C5orf46: variants seen among roughly 807,000 people sequenced by gnomAD.
C5orf46 encodes uncharacterized protein C5orf46.
C5orf46 carries 9 observed loss-of-function variants against 8.9 expected under a neutral mutation model. The observed-to-expected ratio is 1.01, with a 90% CI of 0.61 to 1.76. The LOEUF is 1.76. C5orf46 is among the 40% of genes most tolerant of loss of function. The pLI is 0.00. For synonymous variants in C5orf46, 47 were observed against 41.4 expected (o/e 1.14, Z -0.52); for missense variants, 98 against 107.8 (o/e 0.91, Z 0.40).
chr5:147,890,857 T>G (rs1042341044), downstream of C5orf46, among the ~76,000 whole-genome samples: 1 of 152,178 alleles, frequency 6.6e-6, no homozygotes, highest in Non-Finnish European at 1.5e-5. Context: ...GTAAAGAAAT[T>G]TTTAAATGAA....
downstream of C5orf46, among the ~76,000 whole-genome samples, chr5:147,889,700 T>C (rs1320326833): frequency 1.3e-5 from 2 of 152,082 alleles, no homozygotes; most frequent in Non-Finnish European, 2.9e-5. Context: ...TCAAAATAAA[T>C]ACAAAAGGAA....
At chr5:147,890,524 T>C (rs1757487411), downstream of C5orf46, among the ~76,000 whole-genome samples, 1 of 152,060 alleles carries the variant, frequency 6.6e-6, no homozygotes, top group South Asian at 2.1e-4. Context: ...TATATATCCA[T>C]AGGAGGAAAA....
chr5:147,895,245 C>T (rs1476532191), intron 3 of C5orf46, among the ~76,000 whole-genome samples: 1 of 152,050 alleles, frequency 6.6e-6, no homozygotes, highest in Non-Finnish European at 1.5e-5. Flanking sequence ...TCAACACCAG[C>T]CTGGGCAGCA....
downstream of C5orf46, among the ~76,000 whole-genome samples, chr5:147,891,023 G>A (rs1162560514): frequency 4.6e-5 from 7 of 152,238 alleles, no homozygotes; most frequent in South Asian, 1.2e-3. Flanking sequence ...TGGGATTTGG[G>A]ACAGAATAGT....
downstream of C5orf46, among the ~76,000 whole-genome samples, chr5:147,891,859 G>C (rs1173772527): frequency 6.6e-6 from 1 of 152,182 alleles, no homozygotes; most frequent in Non-Finnish European, 1.5e-5. Context: ...TCAACATTTA[G>C]TAGGAATTCA....
At chr5:147,903,349 C>G (rs1348162534) in intron 1 of C5orf46, among the ~76,000 whole-genome samples, 1 of 152,206 alleles carries the variant, frequency 6.6e-6, no homozygotes, top group Non-Finnish European at 1.5e-5. Context: ...TTAGGACACC[C>G]TGATGCTGAA....
downstream of C5orf46, among the ~76,000 whole-genome samples, chr5:147,888,910 A>G (rs767187803): frequency 2.6e-5 from 4 of 152,180 alleles, no homozygotes; most frequent in Non-Finnish European, 5.9e-5. Context: ...TTAGAAAATT[A>G]CTTATATGCT....
At position 147,901,747 on chromosome 5, in the gene C5orf46, TGTC is replaced by T; in HGVS notation, c.94_96del (p.Asp32del). The T allele has an allele frequency of 6.2e-7, 1 of 1,613,972 alleles. No homozygotes were observed. On this transcript the variant is annotated inframe_deletion, in exon 2 of 4. Coordinates refer to ENST00000318315, the MANE Select transcript of C5orf46 (RefSeq NM_206966.3). ...GGGTCTTTGCCCGAGTCGTCTGGCT[TGTC>T]GTCTGGCTTGTCTGGTTTGTCGTCT...
chr5:147,903,936 C>T (rs969683482), intron 1 of C5orf46, among the ~76,000 whole-genome samples: 8 of 150,202 alleles, frequency 5.3e-5, no homozygotes, highest in Non-Finnish European at 7.4e-5. Flanking sequence ...TGTGTAGAGA[C>T]GGGGTTTCGC....
rs1757671889 is a variant in C5orf46 at position 147,901,674 on chromosome 5, A to G, written c.170T>C (p.Ile57Thr). Residue 57 changes from isoleucine to threonine, a missense_variant, in exon 2 of 4, where the codon ATT becomes ACT. By Grantham distance (89) the Ile-to-Thr change is moderately conservative (BLOSUM62 -1). Coordinates refer to ENST00000318315, the MANE Select transcript of C5orf46 (RefSeq NM_206966.3). ...GAGGATGAACTCGACTGCATTCTCAATGATCTCTGTGCCCAGGAGGCTTAG... is the reference window on the plus strand; with the variant it reads ...GAGGATGAACTCGACTGCATTCTCAGTGATCTCTGTGCCCAGGAGGCTTAG... ...KFLSLLGTEI[I>T]ENAVEFILRS... is the part of the protein sequence containing the mutation. 6.2e-7 allele frequency: 1 copy of G among 1,614,070 alleles called. No individual in the cohort carries two copies. Among genetic ancestry groups the G allele is most frequent in the Middle Eastern group, 1.6e-4 (1 of 6,062 alleles).
chr5:147,893,907 A>ATTTTTT (rs112629955), intron 3 of C5orf46, among the ~76,000 whole-genome samples: 1 of 142,806 alleles, frequency 7.0e-6, no homozygotes, highest in African/African-American at 2.5e-5. Flanking sequence ...GGGAAGGCAT[A>ATTTTTT]TTTTTTTTTT....
chr5:147,896,013 C>T (rs1467029471), intron 3 of C5orf46, among the ~76,000 whole-genome samples: 1 of 152,132 alleles, frequency 6.6e-6, no homozygotes, highest in Non-Finnish European at 1.5e-5. Context: ...AGATCACAAA[C>T]AGAAGTTGGG....
chr5:147,900,838 C>T (rs1178986071), intron 2 of C5orf46, among the ~76,000 whole-genome samples: 1 of 152,218 alleles, frequency 6.6e-6, no homozygotes, highest in East Asian at 1.9e-4. Context: ...GAGTGAATTT[C>T]ATCTTGGAGA....
In C5orf46 at chr5:147,898,234, T is replaced by G. The variant is rs552976845; in HGVS notation, c.216-1193A>C. On this transcript the variant is annotated intron_variant, in intron 2 of 3. Transcript: ENST00000318315. ...ACTTGGGAAAGAGATGATAAAGGAC[T>G]CAACTTGACCAACTAGTCAGTGGAG... Among the ~76,000 whole-genome samples, 10 of 152,232 alleles carry G rather than the reference T, an allele frequency of 6.6e-5. 1 individual carries two copies. In the South Asian group the frequency reaches 1.5e-3, roughly 22 times the overall value.
intron 2 of C5orf46, among the ~76,000 whole-genome samples, chr5:147,897,473 GA>G (rs1173006107): frequency 1.3e-5 from 2 of 152,124 alleles, no homozygotes; most frequent in Non-Finnish European, 2.9e-5. Flanking sequence ...AAGTTACAAA[GA>G]AAATTTAAAA....
chr5:147,898,449 T>C (rs953116083), intron 2 of C5orf46, among the ~76,000 whole-genome samples: 4 of 152,092 alleles, frequency 2.6e-5, no homozygotes, highest in African/African-American at 9.7e-5. Flanking sequence ...AGTGAGATGA[T>C]GGGCTTGGGT....
rs182289184 is a variant in C5orf46, at chr5:147,899,290, C to T, written c.216-2249G>A. Reference sequence around the variant, plus strand: ...AGACTATTCCTTCACAATCCGTGTCCCTGCTTTGTACATGTTAAGTGCTTA... The same window carrying T: ...AGACTATTCCTTCACAATCCGTGTCTCTGCTTTGTACATGTTAAGTGCTTA... On this transcript the variant is annotated intron_variant, in intron 2 of 3. Transcript: ENST00000318315. Among the ~76,000 whole-genome samples the T allele has an allele frequency of 1.6e-3, 251 of 152,200 alleles. 1 individual carries two copies. The highest frequency in any genetic ancestry group is 5.6e-3 in the African/African-American group (234 of 41,528).
downstream of C5orf46, among the ~76,000 whole-genome samples, chr5:147,891,311 TTTAAGAACAGG>T (rs1485555334): frequency 6.6e-6 from 1 of 152,110 alleles, no homozygotes; most frequent in Non-Finnish European, 1.5e-5. Flanking sequence ...ATTCTTGATC[TTTAAGAACAGG>T]TGTACCTGCT....
At chr5:147,886,760 CTAAT>C (rs1417591474) in intron 2 of C5orf46, 1 of 149,540 alleles carries the variant, frequency 6.7e-6, no homozygotes, top group East Asian at 1.9e-4. Context: ...TTTCTAATAT[CTAAT>C]TATATTTTTT....
Sources: gnomAD v4.1 joint callset for allele counts (sites outside exome capture counted in the v4.1 genomes callset) on GRCh38, gnomAD v4.1.1 for gene constraint, MANE v1.5 for transcripts, NCBI Gene and HGNC (gene_info 2026-07-23, HGNC 2026-07-21) for gene names.